FRMD4A: variants seen among roughly 807,000 people sequenced by gnomAD.
FRMD4A encodes the protein FERM domain-containing protein 4A.
FRMD4A carries 29 observed loss-of-function variants against 129.1 expected under a neutral mutation model. The ratio of observed to expected loss-of-function variants is 0.22; its 90% CI spans 0.17 to 0.31. The LOEUF is 0.31. Ranked by LOEUF, FRMD4A falls within the 10% of genes least tolerant of loss-of-function variation. The probability of loss-of-function intolerance (pLI) is 1.00; values close to 1 mark genes in which losing one functional copy is unlikely to be tolerated. For synonymous variants in FRMD4A, 634 were observed against 571.6 expected (o/e 1.11, Z -1.56); for missense variants, 1,272 against 1,375.8 (o/e 0.92, Z 1.19).
At chr10:14,056,389 AC>A (rs1834532216) in intron 2 of FRMD4A, among the ~76,000 whole-genome samples, 2 of 147,692 alleles carry the variant, frequency 1.4e-5, no homozygotes, top group African/African-American at 5.0e-5. Flanking sequence ...CCTCTCCCCA[AC>A]CCCCCGTGAT....
At chr10:13,713,922 CATAT>C (rs1449248434) in intron 12 of FRMD4A, among the ~76,000 whole-genome samples, 4 of 128,168 alleles carry the variant, frequency 3.1e-5, no homozygotes, top group Non-Finnish European at 4.8e-5. Flanking sequence ...AATATATATA[CATAT>C]ATAATATATA....
At chr10:13,928,613 A>C (rs1202288259) in intron 2 of FRMD4A, among the ~76,000 whole-genome samples, 1 of 152,122 alleles carries the variant, frequency 6.6e-6, no homozygotes, top group Admixed American at 6.5e-5. Flanking sequence ...TGATAAATGG[A>C]GATCATATAT....
chr10:13,861,058 T>G (rs999870320), intron 2 of FRMD4A, among the ~76,000 whole-genome samples: 2 of 152,176 alleles, frequency 1.3e-5, no homozygotes, highest in African/African-American at 4.8e-5. Flanking sequence ...TGGAAGCAGG[T>G]GGCAGCACAG....
chr10:13,964,333 A>T (rs2095469241), intron 2 of FRMD4A, among the ~76,000 whole-genome samples: 1 of 152,218 alleles, frequency 6.6e-6, no homozygotes, highest in Non-Finnish European at 1.5e-5. Context: ...ACAGGTTTAC[A>T]TATGCCATAC....
At chr10:13,969,457 C>G (rs1289804065) in intron 2 of FRMD4A, among the ~76,000 whole-genome samples, 2 of 152,232 alleles carry the variant, frequency 1.3e-5, no homozygotes, top group Non-Finnish European at 2.9e-5. Flanking sequence ...GGCCCGGTGG[C>G]CAATCATTCA....
chr10:14,171,708 G>T (rs1841486242), intron 2 of FRMD4A, among the ~76,000 whole-genome samples: 1 of 152,084 alleles, frequency 6.6e-6, no homozygotes, highest in Admixed American at 6.6e-5. Context: ...ATGGTGTAAT[G>T]AAATTATTGC....
intron 12 of FRMD4A, 49 bp downstream of exon 12, chr10:13,737,795 C>A: frequency 9.9e-7 from 1 of 1,007,720 alleles, no homozygotes; most frequent in Non-Finnish European, 1.6e-6. Context: ...TACGCCTGTT[C>A]CTCTCTGGAT....
At chr10:14,122,605 G>T (rs150951320) in intron 2 of FRMD4A, among the ~76,000 whole-genome samples, 60 of 151,556 alleles carry the variant, frequency 4.0e-4, no homozygotes, top group Non-Finnish European at 6.2e-4. Flanking sequence ...CAAGTGGGGT[G>T]GGGGGTAGGG....
At chr10:14,077,735 T>G (rs191007242) in intron 2 of FRMD4A, among the ~76,000 whole-genome samples, 27 of 152,304 alleles carry the variant, frequency 1.8e-4, no homozygotes, top group Non-Finnish European at 2.9e-4. Flanking sequence ...TAGAAGGAAA[T>G]CTGTTTGAAT....
At chr10:14,274,947 T>G (rs940435148) in intron 2 of FRMD4A, among the ~76,000 whole-genome samples, 1 of 152,174 alleles carries the variant, frequency 6.6e-6, no homozygotes, top group Admixed American at 6.5e-5. Flanking sequence ...TGTCCTTGAG[T>G]CTTCACACGG....
At chr10:14,094,209 C>T (rs1231630188) in intron 2 of FRMD4A, among the ~76,000 whole-genome samples, 7 of 152,348 alleles carry the variant, frequency 4.6e-5, no homozygotes, top group East Asian at 1.9e-4. Flanking sequence ...GATTCCCCTT[C>T]GGTTGAACCC....
At chr10:14,096,160 G>A (rs1040597761) in intron 2 of FRMD4A, among the ~76,000 whole-genome samples, 2 of 152,328 alleles carry the variant, frequency 1.3e-5, no homozygotes, top group East Asian at 3.9e-4. Context: ...GATCATGAAA[G>A]TGGAATCTTC....
At chr10:13,804,636 C>G (rs940848282) in intron 4 of FRMD4A, among the ~76,000 whole-genome samples, 2 of 151,852 alleles carry the variant, frequency 1.3e-5, no homozygotes, top group African/African-American at 4.8e-5. Flanking sequence ...CTCCCGCCTC[C>G]CGGGTTCAAG....
chr10:14,252,595 A>T (rs915558848), intron 2 of FRMD4A, among the ~76,000 whole-genome samples: 1 of 152,224 alleles, frequency 6.6e-6, no homozygotes, highest in Non-Finnish European at 1.5e-5. Flanking sequence ...TCTGGAAATG[A>T]TGGTGAGTTC....
At chr10:13,881,167 C>T (rs2094542141) in intron 2 of FRMD4A, among the ~76,000 whole-genome samples, 1 of 151,258 alleles carries the variant, frequency 6.6e-6, no homozygotes, top group Non-Finnish European at 1.5e-5. Flanking sequence ...CCTGTAATCC[C>T]AGAGCTTTGA....
At chr10:14,253,594 T>C (rs17154946) in intron 2 of FRMD4A, among the ~76,000 whole-genome samples, 7,122 of 152,310 alleles carry the variant, frequency 0.047, 202 homozygotes, top group South Asian at 0.13. Flanking sequence ...CCAAAAATCC[T>C]GCTTAATAGA....
chr10:14,223,551 G>C (rs1229741471), intron 2 of FRMD4A, among the ~76,000 whole-genome samples: 1 of 152,082 alleles, frequency 6.6e-6, no homozygotes, highest in Non-Finnish European at 1.5e-5. Flanking sequence ...GACCAGCCTG[G>C]ACAACATAGG....
chr10:13,986,121 C>T (rs2095580292), intron 2 of FRMD4A, among the ~76,000 whole-genome samples: 2 of 152,166 alleles, frequency 1.3e-5, no homozygotes, highest in Admixed American at 1.3e-4. Flanking sequence ...CCCTCTCCCA[C>T]CTGGGTCCTC....
chr10:13,917,284 AT>A (rs34360967), intron 2 of FRMD4A, among the ~76,000 whole-genome samples: 41 of 141,444 alleles, frequency 2.9e-4, no homozygotes, highest in African/African-American at 2.6e-4. Context: ...TCCATCACAG[AT>A]TTTTTTTTTT....
Sources: allele counts gnomAD v4.1 joint callset (sites outside exome capture counted in the v4.1 genomes callset), GRCh38; gene constraint gnomAD v4.1.1; transcripts MANE v1.5; gene names NCBI Gene and HGNC (gene_info 2026-07-23, HGNC 2026-07-21).